Variants in SAE1 observed in about 807,000 individuals in gnomAD.
The protein encoded by SAE1 is SUMO1 activating enzyme subunit 1.
SAE1 carries 11 observed loss-of-function variants against 40.6 expected under a neutral mutation model. The observed-to-expected ratio is 0.27, with a 90% CI of 0.17 to 0.45. SAE1 has a LOEUF of 0.45. Ranked by LOEUF, SAE1 falls within the 20% of genes least tolerant of loss-of-function variation. SAE1 has a pLI of 1.00. For missense variants in SAE1, 373 were observed against 427.3 expected (o/e 0.87, Z 1.12); for synonymous variants, 155 against 154.3 (o/e 1.00, Z -0.03).
chr19:47,197,497 C>A, intron 7 of SAE1, 120 bp downstream of exon 7: 1 of 767,882 alleles, frequency 1.3e-6, no homozygotes. Flanking sequence ...CCACATTCTG[C>A]TCGCTCCTGT....
chr19:47,160,043 A>G (rs1014028431), intron 5 of SAE1, among the ~76,000 whole-genome samples: 6 of 152,164 alleles, frequency 3.9e-5, no homozygotes, highest in Non-Finnish European at 2.9e-5. Context: ...TTTGTTACCA[A>G]TGAAATGAAT....
rs1230404629 is a variant in SAE1, at chr19:47,209,484, G to A, written c.*233G>A. ...TGTTCCAGCACTGTTCAGGCTGCCT[G>A]TCATCCCGGGCCTGCCAGCTCCCCT... On this transcript the variant is annotated 3_prime_UTR_variant, in exon 9 of 9. Coordinates refer to ENST00000270225, the MANE Select transcript of SAE1 (RefSeq NM_005500.3). The A allele has an allele frequency of 1.2e-5, 8 of 648,552 alleles. No individual in the cohort carries two copies. The highest frequency in any genetic ancestry group is 2.1e-5 in the Non-Finnish European group (8 of 385,328). 40.2% of individuals were successfully genotyped at this position (648,552 alleles called of 1,614,324 possible).
intron 5 of SAE1, among the ~76,000 whole-genome samples, chr19:47,157,510 G>C (rs1270143379): frequency 6.6e-6 from 1 of 152,212 alleles, no homozygotes; most frequent in Non-Finnish European, 1.5e-5. Context: ...CAAATGGAGA[G>C]AGTGCCTAGC....
chr19:47,158,419 T>C (rs557865319), intron 5 of SAE1, among the ~76,000 whole-genome samples: 12 of 152,240 alleles, frequency 7.9e-5, no homozygotes, highest in African/African-American at 2.2e-4. Context: ...ACGGATTTCG[T>C]CACAATCAGG....
chr19:47,187,737 G>T, intron 6 of SAE1, among the ~76,000 whole-genome samples: 1 of 152,078 alleles, frequency 6.6e-6, no homozygotes, highest in East Asian at 1.9e-4. Context: ...GGCCAGGCTG[G>T]TCTCAAACTC....
intron 2 of SAE1, among the ~76,000 whole-genome samples, chr19:47,143,986 C>T (rs915055469): frequency 6.6e-6 from 1 of 152,294 alleles, no homozygotes; most frequent in Middle Eastern, 3.4e-3. Flanking sequence ...CTAGCTTTCA[C>T]CCCTAGTGAT....
intron 1 of SAE1, among the ~76,000 whole-genome samples, chr19:47,131,912 A>C (rs2058146347): frequency 6.6e-6 from 1 of 150,518 alleles, no homozygotes; most frequent in Non-Finnish European, 1.5e-5. Flanking sequence ...TATTGACGAG[A>C]CTGGTCTCGA....
chr19:47,178,775 G>A (rs373798611), intron 6 of SAE1, among the ~76,000 whole-genome samples: 1 of 152,116 alleles, frequency 6.6e-6, no homozygotes, highest in African/African-American at 2.4e-5. Context: ...CATAGCCTGC[G>A]TTTTTCTTTT....
Position 47,176,259 on chromosome 19 carries a change from C to G in SAE1, c.733+6336C>G, listed in dbSNP as rs144601429. Among the ~76,000 whole-genome samples the G allele has an allele frequency of 1.2e-4, 18 of 152,298 alleles. No individual in the cohort carries two copies. In the East Asian group the frequency reaches 3.5e-3, roughly 29 times the overall value. ...GGATGTACCGTCATCTATGACCAGT[C>G]TCATCTTGAAAGGCATGCTTATTTT... On this transcript the variant is annotated intron_variant, in intron 6 of 8. Transcript: ENST00000270225.
intron 1 of SAE1, among the ~76,000 whole-genome samples, chr19:47,140,967 G>A (rs2058218220): frequency 6.6e-6 from 1 of 151,838 alleles, no homozygotes; most frequent in Non-Finnish European, 1.5e-5. Flanking sequence ...TCCTGCCTCA[G>A]CCTCCCAAAT....
At chr19:47,157,207 C>G (rs1283909286) in intron 5 of SAE1, among the ~76,000 whole-genome samples, 2 of 152,138 alleles carry the variant, frequency 1.3e-5, no homozygotes, top group Non-Finnish European at 1.5e-5. Flanking sequence ...AGGAATTAAG[C>G]CCTAATTTTA....
At chr19:47,155,749 CTT>C (rs1425906351) in intron 5 of SAE1, among the ~76,000 whole-genome samples, 20 of 119,720 alleles carry the variant, frequency 1.7e-4, no homozygotes, top group Non-Finnish European at 1.9e-4. Context: ...GCCCCATACC[CTT>C]TTTTTTTTTT....
At chr19:47,207,001 T>C (rs2058689877) in intron 8 of SAE1, among the ~76,000 whole-genome samples, 1 of 152,176 alleles carries the variant, frequency 6.6e-6, no homozygotes, top group Non-Finnish European at 1.5e-5. Flanking sequence ...AGATGCTTAA[T>C]AAATGTTCCC....
At position 47,179,523 on chromosome 19, in the gene SAE1, C is replaced by G. The variant is rs180830242; in HGVS notation, c.733+9600C>G. Among the ~76,000 whole-genome samples, 300 of 151,738 alleles carry G rather than the reference C, an allele frequency of 2.0e-3. 1 individual carries two copies. Among genetic ancestry groups the G allele is most frequent in the Middle Eastern group, 3.4e-3 (1 of 292 alleles). ...TAAGAAAAAAAAAAAAAGAAAAACT[C>G]TAAATAAATATTGAACTCTGCTTAG... On this transcript the variant is annotated intron_variant, in intron 6 of 8. Transcript: ENST00000270225.
chr19:47,137,054 T>C (rs1158790252), intron 1 of SAE1, among the ~76,000 whole-genome samples: 1 of 152,068 alleles, frequency 6.6e-6, no homozygotes, highest in Non-Finnish European at 1.5e-5. Flanking sequence ...CTTCCAAAAG[T>C]CAGTTTCATG....
At chr19:47,193,207 A>G (rs994117225) in intron 6 of SAE1, among the ~76,000 whole-genome samples, 1 of 151,728 alleles carries the variant, frequency 6.6e-6, no homozygotes, top group African/African-American at 2.4e-5. Flanking sequence ...ACAGGCACCC[A>G]CCACCATGCA....
chr19:47,139,949 T>A (rs1043510194), intron 1 of SAE1, among the ~76,000 whole-genome samples: 1 of 146,642 alleles, frequency 6.8e-6, no homozygotes, highest in African/African-American at 2.5e-5. Context: ...TTTTTTTTTT[T>A]TTTTTTGAGA....
At chr19:47,178,051 G>T (rs904040680) in intron 6 of SAE1, among the ~76,000 whole-genome samples, 1 of 152,016 alleles carries the variant, frequency 6.6e-6, no homozygotes, top group Admixed American at 6.6e-5. Context: ...GACCATCCTG[G>T]CCAACATAGT....
intron 6 of SAE1, among the ~76,000 whole-genome samples, chr19:47,187,711 G>A (rs1048243023): frequency 6.6e-6 from 1 of 152,004 alleles, no homozygotes; most frequent in Non-Finnish European, 1.5e-5. Flanking sequence ...TAGCAGAGAC[G>A]GGGTTTCACC....
Sources: gnomAD v4.1 joint callset for allele counts (sites outside exome capture counted in the v4.1 genomes callset) on GRCh38, gnomAD v4.1.1 for gene constraint, MANE v1.5 for transcripts, NCBI Gene and HGNC (gene_info 2026-07-23, HGNC 2026-07-21) for gene names.